Variants in SBNO1 observed in about 807,000 individuals in gnomAD.
The protein encoded by SBNO1 is protein strawberry notch homolog 1.
SBNO1 carries 23 observed loss-of-function variants against 173.6 expected under a neutral mutation model. That is an observed-to-expected ratio of 0.13 (90% confidence interval 0.10 to 0.19). SBNO1 has a LOEUF of 0.19. Ranked by LOEUF, SBNO1 falls within the 10% of genes least tolerant of loss-of-function variation. The pLI, the probability that SBNO1 is intolerant of heterozygous loss-of-function variation, is 1.00. For synonymous variants in SBNO1, 632 were observed against 571.5 expected, an observed-to-expected ratio of 1.11 and a Z score of -1.51; for missense variants, 1,238 against 1,671.2, an observed-to-expected ratio of 0.74 and a Z score of 4.52.
intron 16 of SBNO1, among the ~76,000 whole-genome samples, 175 bp from the exon 17 acceptor site, chr12:123,321,907 A>G (rs972091805): frequency 1.3e-5 from 2 of 152,220 alleles, no homozygotes; most frequent in Non-Finnish European, 2.9e-5. Flanking sequence ...GACTCCCATA[A>G]AAAATAAGGT....
chr12:123,321,140 C>T (rs755584638), intron 17 of SBNO1, among the ~76,000 whole-genome samples: 18 of 152,058 alleles, frequency 1.2e-4, no homozygotes, highest in Non-Finnish European at 2.2e-4. Flanking sequence ...GGTTTTTCCA[C>T]GTTGGTCAGG....
intron 3 of SBNO1, among the ~76,000 whole-genome samples, chr12:123,347,068 T>C (rs558476206): frequency 4.6e-5 from 5 of 108,600 alleles, no homozygotes; most frequent in African/African-American, 1.2e-4. Flanking sequence ...ACAAAGCGAG[T>C]CTCCGTCTCA....
Position 123,320,423 on chromosome 12 carries a change from C to T in SBNO1, c.2667+9G>A. 6.2e-7 allele frequency: 1 copy of T among 1,609,588 alleles called. No homozygotes were observed. The highest frequency in any genetic ancestry group is 1.1e-5 in the South Asian group (1 of 90,230). Reference sequence around the variant, plus strand: ...CAAAAATGTCACCAAGAGATACAGGCCTATTTACCTCAGCAACGTTCTCAG... The same window carrying T: ...CAAAAATGTCACCAAGAGATACAGGTCTATTTACCTCAGCAACGTTCTCAG... On this transcript the variant is annotated intron_variant, in intron 19 of 31. Transcript: ENST00000602398.
intron 4 of SBNO1, 21 bp downstream of exon 4, chr12:123,345,237 T>C (rs1872993298): frequency 1.9e-6 from 3 of 1,589,182 alleles, no homozygotes; most frequent in African/African-American, 2.7e-5. Flanking sequence ...AGAAAGTTGA[T>C]ACTATTGAAA....
intron 7 of SBNO1, among the ~76,000 whole-genome samples, 175 bp downstream of exon 7, chr12:123,333,878 G>A (rs529370101): frequency 6.6e-6 from 1 of 152,164 alleles, no homozygotes; most frequent in East Asian, 1.9e-4. Context: ...CACTGGAAAT[G>A]CACTATCTGT....
In SBNO1 at chr12:123,345,239, C is replaced by T. The variant is rs145372494; in HGVS notation, c.550+19G>A. 1.1e-4 allele frequency: 179 copies of T among 1,592,868 alleles called. 1 individual carries two copies. The African/African-American group carries it at 2.2e-3, about 20-fold the overall frequency. Reference sequence around the variant, plus strand: ...GCTTACCAGAGAGAGAAAGTTGATACTATTGAAAACAGACTTACTAGCTGC... The same window carrying T: ...GCTTACCAGAGAGAGAAAGTTGATATTATTGAAAACAGACTTACTAGCTGC... On this transcript the variant is annotated intron_variant, in intron 4 of 31. Transcript: ENST00000602398.
At chr12:123,333,599 T>C (rs1157874350) in intron 7 of SBNO1, among the ~76,000 whole-genome samples, 1 of 151,420 alleles carries the variant, frequency 6.6e-6, no homozygotes, top group Non-Finnish European at 1.5e-5. Context: ...TGGGCTGAGG[T>C]GATTCCCCTA....
At position 123,298,087 on chromosome 12, in the gene SBNO1, T is replaced by C; in HGVS notation, c.3930A>G (p.Ser1310=). The change falls in exon 31 of 32, where the codon TCA becomes TCG. Residue 1310 remains serine, a synonymous_variant. Coordinates refer to ENST00000602398, the MANE Select transcript of SBNO1 (RefSeq NM_001167856.3). ...RCRTYYVLCG[S]VLSVWTKVEG... is the part of the protein sequence containing the mutation. ...CAACTTTTGTCCAGACACTCAGCACTGAACCACATAATACATAATATGTAC... is the reference window on the plus strand; with the variant it reads ...CAACTTTTGTCCAGACACTCAGCACCGAACCACATAATACATAATATGTAC... 6.2e-7 allele frequency: 1 copy of C among 1,613,076 alleles called. No individual in the cohort carries two copies. The highest frequency in any genetic ancestry group is 8.5e-7 in the Non-Finnish European group (1 of 1,179,750).
intron 4 of SBNO1, among the ~76,000 whole-genome samples, chr12:123,343,152 G>C (rs1011347377): frequency 2.6e-5 from 4 of 152,136 alleles, no homozygotes; most frequent in African/African-American, 7.2e-5. Flanking sequence ...AGAATCACTT[G>C]AATTCAAGTG....
rs2048487979 is a variant in SBNO1 at position 123,290,018 on chromosome 12, G to C, written c.*5890C>G. 6.6e-6 allele frequency: 1 copy of C among 152,282 alleles called. No individual in the cohort carries two copies. The highest frequency in any genetic ancestry group is 2.4e-5 in the African/African-American group (1 of 41,470). The allele number at this position is 152,282 out of a possible 1,614,324, so 9.4% of individuals were successfully genotyped here. A position where few individuals can be genotyped will look rare whatever the true frequency, so the allele number is the denominator to read the frequency against. The stretch of plus-strand genomic sequence containing the variant: ...GGCCTGCAGAGTGGCCTTCACTCTG[G>C]AGGACGCCTGAATTACAAGTATCAA... On this transcript the variant is annotated 3_prime_UTR_variant, in exon 32 of 32. Transcript: ENST00000602398.
chr12:123,330,015 C>A (rs1169244897), intron 9 of SBNO1, among the ~76,000 whole-genome samples: 1 of 152,150 alleles, frequency 6.6e-6, no homozygotes, highest in Admixed American at 6.5e-5. Context: ...CTGCCCAAGC[C>A]ATAACTATCT....
At chr12:123,331,419 T>C (rs1161388154) in intron 7 of SBNO1, 44 bp from the exon 8 acceptor site, 6 of 1,594,542 alleles carry the variant, frequency 3.8e-6, no homozygotes, top group Non-Finnish European at 5.1e-6. Flanking sequence ...CTTCAGATAT[T>C]TTGGTGATCA....
At chr12:123,325,898 C>T (rs1049056115) in intron 14 of SBNO1, among the ~76,000 whole-genome samples, 12 of 152,146 alleles carry the variant, frequency 7.9e-5, no homozygotes, top group South Asian at 2.1e-4. Flanking sequence ...AAAACCTTAA[C>T]GCAATACACA....
chr12:123,305,853 G>C (rs1051196841), intron 28 of SBNO1, among the ~76,000 whole-genome samples: 1 of 152,040 alleles, frequency 6.6e-6, no homozygotes, highest in Non-Finnish European at 1.5e-5. Flanking sequence ...TTTAACTCAA[G>C]GAAAAACAAC....
intron 9 of SBNO1, among the ~76,000 whole-genome samples, chr12:123,329,335 T>C (rs991748759): frequency 6.6e-6 from 1 of 150,942 alleles, no homozygotes; most frequent in East Asian, 1.9e-4. Flanking sequence ...GAGCCGAGAT[T>C]GTGCCACTGC....
At chr12:123,301,173 A>G (rs372369513) in intron 30 of SBNO1, among the ~76,000 whole-genome samples, 11 of 151,826 alleles carry the variant, frequency 7.2e-5, no homozygotes, top group Admixed American at 4.6e-4. Flanking sequence ...ATGCCCTGCT[A>G]ATTTTTTTAT....
intron 10 of SBNO1, 117 bp from the exon 11 acceptor site, chr12:123,328,144 C>T (rs1870798558): frequency 4.0e-6 from 3 of 757,000 alleles, no homozygotes; most frequent in Non-Finnish European, 6.3e-6. Flanking sequence ...TTCATGACTG[C>T]AAATACAAAG....
rs1052310547 is a variant in SBNO1 at position 123,333,655 on chromosome 12, C to A, written c.909+398G>T. Among the ~76,000 whole-genome samples, 2 of 151,928 alleles carry A rather than the reference C, an allele frequency of 1.3e-5. 1 individual carries two copies. The highest frequency in any genetic ancestry group is 4.8e-5 in the African/African-American group (2 of 41,372). On this transcript the variant is annotated intron_variant, in intron 7 of 31. Coordinates refer to ENST00000602398, the MANE Select transcript of SBNO1 (RefSeq NM_001167856.3). ...GGGACTACAGGTGCGTGCCACTACA[C>A]TCAGCTAATTTTTTGTATTTTTCGT... is the stretch of plus-strand genomic sequence containing the variant.
chr12:123,330,482 A>G lies in SBNO1; in HGVS notation c.1071T>C (p.Tyr357=), dbSNP rs1323482598. Residue 357 remains tyrosine (Y), a synonymous_variant, in exon 9 of 32, where the codon TAT becomes TAC. Transcript: ENST00000602398. ...TATCCCTTAAATCTCTTTCAGCATC[A>G]TACTTTAAGTCATTTGAAACACTAA... ...LWFSVSNDLK[Y]DAERDLRDIG... 2.5e-6 allele frequency: 4 copies of G among 1,603,362 alleles called. No homozygotes were observed. Among genetic ancestry groups the G allele is most frequent in the Admixed American group, 3.4e-5 (2 of 58,788 alleles).
Sources: allele counts gnomAD v4.1 joint callset (sites outside exome capture counted in the v4.1 genomes callset), GRCh38; gene constraint gnomAD v4.1.1; transcripts MANE v1.5; gene names NCBI Gene and HGNC (gene_info 2026-07-23, HGNC 2026-07-21).